TCERG1: variants seen among roughly 807,000 people sequenced by gnomAD.
TCERG1 encodes TATA box binding protein (TBP)-associated factor, RNA polymerase II, S, 150kD.
TCERG1 carries 37 observed loss-of-function variants against 144.7 expected under a neutral mutation model. The ratio of observed to expected loss-of-function variants is 0.26; its 90% CI spans 0.20 to 0.34. The LOEUF is 0.34. Among genes scored for constraint, TCERG1 ranks in the 10% least tolerant of loss-of-function variants. TCERG1 has a pLI of 1.00. For missense variants in TCERG1, 1,027 were observed against 1,380.7 expected (o/e 0.74, Z 4.06); for synonymous variants, 492 against 458.2 (o/e 1.07, Z -0.94).
chr5:146,473,309 T>C (rs1054029692), intron 9 of TCERG1, among the ~76,000 whole-genome samples: 6 of 152,134 alleles, frequency 3.9e-5, no homozygotes, highest in African/African-American at 1.4e-4. Flanking sequence ...CTGTGAAGGC[T>C]GAGAGTGGTG....
At chr5:146,470,772 C>A in intron 8 of TCERG1, 24 bp downstream of exon 8, 1 of 1,531,810 alleles carries the variant, frequency 6.5e-7, no homozygotes, top group Non-Finnish European at 8.9e-7. Flanking sequence ...ACCTGTTAAC[C>A]TGGGAGCCAC....
At position 146,489,756 on chromosome 5, in the gene TCERG1, T is replaced by G. The variant is rs530027132; in HGVS notation, c.2164-3164T>G. ...GCCTATAAAAGTGAACTTAACAGAA[T>G]TATTTTTAAAATTTACTCATTTTCA... On this transcript the variant is annotated intron_variant, in intron 15 of 22. Transcript: ENST00000679501. Among the ~76,000 whole-genome samples the G allele has an allele frequency of 8.8e-4, 134 of 152,182 alleles. 1 individual carries two copies. The highest frequency in any genetic ancestry group is 7.9e-4 in the Non-Finnish European group (54 of 68,018).
chr5:146,487,438 C>G (rs1334277867), intron 15 of TCERG1, among the ~76,000 whole-genome samples: 1 of 151,996 alleles, frequency 6.6e-6, no homozygotes, highest in Non-Finnish European at 1.5e-5. Context: ...ACATTCAAAA[C>G]AGAATGTCAC....
intron 22 of TCERG1, 142 bp from the exon 23 acceptor site, chr5:146,510,299 A>G: frequency 1.4e-6 from 1 of 740,712 alleles, no homozygotes; most frequent in South Asian, 2.0e-5. Flanking sequence ...AAAGGTGACC[A>G]CTGCCGTGAA....
At chr5:146,457,934 C>T (rs1412932869) in intron 3 of TCERG1, among the ~76,000 whole-genome samples, 1 of 152,232 alleles carries the variant, frequency 6.6e-6, no homozygotes, top group Admixed American at 6.5e-5. Flanking sequence ...ACTGCAACCT[C>T]TGCCTCCTGG....
chr5:146,501,004 CAAAAAAAAA>C (rs56318938), intron 17 of TCERG1, among the ~76,000 whole-genome samples: 1 of 132,428 alleles, frequency 7.6e-6, no homozygotes, highest in African/African-American at 2.8e-5. Flanking sequence ...GGGATTCTTT[CAAAAAAAAA>C]AAAAAAGAAA....
intron 9 of TCERG1, among the ~76,000 whole-genome samples, chr5:146,477,234 GT>G (rs1237476872): frequency 2.0e-5 from 3 of 151,478 alleles, no homozygotes; most frequent in African/African-American, 7.3e-5. Flanking sequence ...TTTTAAGTGT[GT>G]TTTTCTTTAT....
intron 15 of TCERG1, among the ~76,000 whole-genome samples, chr5:146,489,825 T>C (rs1766224593): frequency 6.6e-6 from 1 of 152,118 alleles, no homozygotes; most frequent in Admixed American, 6.5e-5. Flanking sequence ...TATCAGAAAA[T>C]AACCACTTAA....
chr5:146,463,882 G>A, intron 5 of TCERG1, 89 bp downstream of exon 5: 2 of 1,551,990 alleles, frequency 1.3e-6, no homozygotes, highest in South Asian at 1.2e-5. Flanking sequence ...TTTGAAATTT[G>A]CCTTGAATCT....
chr5:146,461,373 A>G (rs1581404625), intron 4 of TCERG1, among the ~76,000 whole-genome samples: 1 of 152,158 alleles, frequency 6.6e-6, no homozygotes, highest in South Asian at 2.1e-4. Context: ...ATATATAGTC[A>G]CTTGTCTTTT....
rs550563699 is a variant in TCERG1 at position 146,511,947 on chromosome 5, A to C, written c.*1305A>C. 1 of 152,338 alleles carries C rather than the reference A, an allele frequency of 6.6e-6. No homozygotes were observed. The highest frequency in any genetic ancestry group is 2.1e-4 in the South Asian group (1 of 4,824). The allele number at this position is 152,338 out of a possible 1,614,324, so 9.4% of individuals were successfully genotyped here. ...CTCGTTTCAGAGTGCCACATAAATA[A>C]AATGTTTAACAAAATATATATGTTA... On this transcript the variant is annotated 3_prime_UTR_variant, in exon 23 of 23. Transcript: ENST00000679501.
rs113361353 is a variant in TCERG1, at chr5:146,459,117, A to G, written c.672A>G (p.Gln224=). ...QAQAQAQAQA[Q]AQAQAQAQAQ... ...AGGCCCAGGCCCAGGCCCAAGCCCA[A>G]GCCCAGGCCCAGGCTCAGGCTCAGG... Residue 224 remains glutamine (Q), a synonymous_variant, in exon 4 of 23, where the codon CAA becomes CAG. Transcript: ENST00000679501. 348 of 1,578,314 alleles carry G rather than the reference A, an allele frequency of 2.2e-4. 1 individual carries two copies. In the African/African-American group the frequency reaches 2.5e-3, roughly 11 times the overall value.
Position 146,507,280 on chromosome 5 carries a change from T to TA in TCERG1, c.2961+74dup. 1 of 1,396,706 alleles carries TA rather than the reference T, an allele frequency of 7.2e-7. No individual in the cohort carries two copies. 86.5% of individuals were successfully genotyped at this position (1,396,706 alleles called of 1,614,324 possible). Reference sequence around the variant, plus strand: ...GTAATTTCTTAAAGCAAAGCATTGATATGATTTTTAGTGTCATGGTCTTTA... The same window carrying TA: ...GTAATTTCTTAAAGCAAAGCATTGATAATGATTTTTAGTGTCATGGTCTTTA... On this transcript the variant is annotated intron_variant, in intron 20 of 22. Coordinates refer to ENST00000679501, the MANE Select transcript of TCERG1 (RefSeq NM_001382548.1). This position sits in a 1 kb window ranked among gnomAD's most constrained non-coding sequence, Gnocchi z 4.6.
At chr5:146,461,672 C>T (rs1350632940) in intron 4 of TCERG1, among the ~76,000 whole-genome samples, 1 of 152,088 alleles carries the variant, frequency 6.6e-6, no homozygotes, top group South Asian at 2.1e-4. Context: ...ATTTTCCTGA[C>T]TATAGTACTT....
chr5:146,498,913 A>G (rs1302494149), intron 17 of TCERG1, among the ~76,000 whole-genome samples: 2 of 152,160 alleles, frequency 1.3e-5, no homozygotes, highest in African/African-American at 2.4e-5. Flanking sequence ...TTTGCTTTAA[A>G]TTGTGTTAAT....
At chr5:146,447,546 AGAAGGGG>A in intron 1 of TCERG1, 138 bp downstream of exon 1, 1 of 1,130,152 alleles carries the variant, frequency 8.8e-7, no homozygotes, top group South Asian at 1.4e-5. Flanking sequence ...ATGGGGTTTA[AGAAGGGG>A]GAAGGGGAAG....
At chr5:146,477,586 G>T (rs1764952947) in intron 9 of TCERG1, among the ~76,000 whole-genome samples, 1 of 147,598 alleles carries the variant, frequency 6.8e-6, no homozygotes, top group African/African-American at 2.5e-5. Flanking sequence ...TGTAGTTGTG[G>T]TTTTTTTTTT....
At chr5:146,490,152 A>G (rs10058265) in intron 15 of TCERG1, among the ~76,000 whole-genome samples, 16 of 152,164 alleles carry the variant, frequency 1.1e-4, no homozygotes, top group Middle Eastern at 3.4e-3. Context: ...CTGCAATGCT[A>G]TACTTAGAGG....
At chr5:146,472,955 C>T (rs550290523) in intron 9 of TCERG1, among the ~76,000 whole-genome samples, 13 of 152,022 alleles carry the variant, frequency 8.6e-5, no homozygotes, top group Non-Finnish European at 1.9e-4. Flanking sequence ...CCTCGTGATC[C>T]GCCCACCTTG....
Sources: allele counts gnomAD v4.1 joint callset (sites outside exome capture counted in the v4.1 genomes callset), GRCh38; gene constraint gnomAD v4.1.1; non-coding constraint Gnocchi (gnomAD v3.1); transcripts MANE v1.5; gene names NCBI Gene and HGNC (gene_info 2026-07-23, HGNC 2026-07-21).